ASB3: variants seen among roughly 807,000 people sequenced by gnomAD.
The protein encoded by ASB3 is ankyrin repeat and SOCS box containing 3, also known as ankyrin repeat and SOCS box protein 3.
Under a neutral mutation model 54.5 loss-of-function variants are expected in ASB3, and 41 were observed. That is an observed-to-expected ratio of 0.75 (90% CI 0.59 to 0.98). The LOEUF (loss-of-function observed/expected upper bound fraction) is 0.98. Ranked by LOEUF, ASB3 falls within the 50% of genes least tolerant of loss-of-function variation. The pLI is 0.00. For synonymous variants in ASB3, 266 were observed against 221.2 expected (o/e 1.20, Z -1.80); for missense variants, 733 against 620.0 (o/e 1.18, Z -1.94).
At chr2:53,780,270 C>CAGTG (rs1477821343) in intron 1 of ASB3, among the ~76,000 whole-genome samples, 1 of 152,126 alleles carries the variant, frequency 6.6e-6, no homozygotes, top group East Asian at 1.9e-4. Flanking sequence ...TTCCCACTGA[C>CAGTG]GTACTCCCCT....
chr2:53,718,282 A>G (rs189819001), intron 5 of ASB3, among the ~76,000 whole-genome samples: 16 of 143,118 alleles, frequency 1.1e-4, no homozygotes, highest in African/African-American at 3.6e-4. Flanking sequence ...AGCTAGAGAA[A>G]AACGTCAGAT....
intron 3 of ASB3, among the ~76,000 whole-genome samples, chr2:53,743,589 A>C (rs987333702): frequency 1.3e-5 from 2 of 152,220 alleles, no homozygotes; most frequent in African/African-American, 4.8e-5. Flanking sequence ...GTTATGTAAG[A>C]ACAATATAAG....
chr2:53,747,167 G>A (rs1432075740), intron 3 of ASB3, among the ~76,000 whole-genome samples: 1 of 152,140 alleles, frequency 6.6e-6, no homozygotes, highest in African/African-American at 2.4e-5. Context: ...ATTTGAAACT[G>A]TAAACTATGT....
intron 1 of ASB3, among the ~76,000 whole-genome samples, chr2:53,780,234 G>T (rs901268118): frequency 6.6e-6 from 1 of 151,940 alleles, no homozygotes; most frequent in African/African-American, 2.4e-5. Context: ...GGTCAATCTG[G>T]TATCAGTGTA....
At chr2:53,768,930 G>C (rs1673691959) in intron 1 of ASB3, among the ~76,000 whole-genome samples, 1 of 152,222 alleles carries the variant, frequency 6.6e-6, no homozygotes. Context: ...AGGCGCTAAA[G>C]TAGTTTGCAC....
intron 7 of ASB3, among the ~76,000 whole-genome samples, chr2:53,707,602 G>A (rs371925979): frequency 7.4e-5 from 11 of 149,528 alleles, no homozygotes; most frequent in East Asian, 3.9e-4. Flanking sequence ...AGCTGAGATC[G>A]CACCACTGCA....
At chr2:53,721,777 C>T (rs1047803017) in intron 5 of ASB3, among the ~76,000 whole-genome samples, 2 of 151,678 alleles carry the variant, frequency 1.3e-5, no homozygotes, top group African/African-American at 2.4e-5. Flanking sequence ...TATCACACTT[C>T]GAGGAATAAG....
intron 1 of ASB3, chr2:53,771,793 GCTT>G (rs538117330): frequency 1.8e-4 from 129 of 714,666 alleles, no homozygotes; most frequent in African/African-American, 1.8e-3. Flanking sequence ...AAGAAATAGT[GCTT>G]CTTATGAGCA....
At chr2:53,741,994 T>G (rs898475512) in intron 3 of ASB3, among the ~76,000 whole-genome samples, 15 of 152,068 alleles carry the variant, frequency 9.9e-5, no homozygotes, top group African/African-American at 3.4e-4. Flanking sequence ...CAAAGAACAC[T>G]TCTCAAAGGT....
intron 1 of ASB3, chr2:53,767,866 G>C (rs114675546): frequency 6.3e-7 from 1 of 1,594,982 alleles, no homozygotes. Flanking sequence ...ACGGCCACTG[G>C]GGCAGAGGAG....
At chr2:53,682,123 G>A (rs956497633) in intron 9 of ASB3, among the ~76,000 whole-genome samples, 2 of 147,238 alleles carry the variant, frequency 1.4e-5, no homozygotes, top group Non-Finnish European at 3.0e-5. Context: ...TCATGCCACT[G>A]CACTTCAGCC....
intron 3 of ASB3, 131 bp from the exon 4 acceptor site, chr2:53,729,701 A>G (rs10490467): frequency 0.12 from 84,474 of 701,472 alleles, 6,288 homozygotes; most frequent in Non-Finnish European, 0.14. Context: ...AACAGTTATC[A>G]CAATTGTCTT....
chr2:53,672,247 G>C (rs2103619143), intron 9 of ASB3, among the ~76,000 whole-genome samples: 1 of 152,322 alleles, frequency 6.6e-6, no homozygotes, highest in Non-Finnish European at 1.5e-5. Context: ...TAAATCATGA[G>C]TCATAGATTC....
At chr2:53,671,353 CGTGTGTGTGTGTGTGTGT>C (rs142473697) in intron 9 of ASB3, among the ~76,000 whole-genome samples, 10 of 142,602 alleles carry the variant, frequency 7.0e-5, no homozygotes, top group Admixed American at 4.2e-4. Flanking sequence ...GAACCCAAAG[CGTGTGTGTGTGTGTGTGT>C]GTGTGTGTGT....
chr2:53,739,508 T>C (rs138152162), intron 3 of ASB3, among the ~76,000 whole-genome samples: 1 of 152,322 alleles, frequency 6.6e-6, no homozygotes, highest in African/African-American at 2.4e-5. Context: ...AATGTAATTA[T>C]CTTAGTGAAT....
Position 53,670,659 on chromosome 2 carries a change from A to T in ASB3, c.1401T>A (p.Arg467=). The T allele has an allele frequency of 6.2e-7, 1 of 1,614,026 alleles. No homozygotes were observed. The highest frequency in any genetic ancestry group is 8.5e-7 in the Non-Finnish European group (1 of 1,179,966). The stretch of plus-strand genomic sequence containing the variant: ...ATTTTAGACTGGACCGAATTTCCAA[A>T]CGACAAAGATGGGTCAGGGATGGAA... The part of the protein sequence containing the change: ...ATVPSLTHLC[R]LEIRSSLKSE... The change falls in exon 10 of 10, where the codon CGT becomes CGA. Residue 467 remains arginine, a synonymous_variant. Coordinates refer to ENST00000263634, the MANE Select transcript of ASB3 (RefSeq NM_016115.5).
Position 53,680,460 on chromosome 2 carries a change from T to C in ASB3, c.1370-9770A>G, listed in dbSNP as rs540577319. ...CTGACTGCTATGAGATGGTATCTCA[T>C]TGTGGTTTTGATTTGGATTTCTCTA... On this transcript the variant is annotated intron_variant, in intron 9 of 9. Coordinates refer to ENST00000263634, the MANE Select transcript of ASB3 (RefSeq NM_016115.5). Among the ~76,000 whole-genome samples, 5 of 152,342 alleles carry C rather than the reference T, an allele frequency of 3.3e-5. No homozygotes were observed. The East Asian group carries it at 9.6e-4, about 29-fold the overall frequency.
chr2:53,735,792 T>C (rs75337689), intron 3 of ASB3, among the ~76,000 whole-genome samples: 1,632 of 151,994 alleles, frequency 0.011, 30 homozygotes, highest in African/African-American at 0.037. Context: ...TGGCACAGGA[T>C]AGAGAAAGAG....
At chr2:53,718,192 T>C (rs982263908) in intron 5 of ASB3, among the ~76,000 whole-genome samples, 1 of 152,072 alleles carries the variant, frequency 6.6e-6, no homozygotes, top group African/African-American at 2.4e-5. Flanking sequence ...TACAGAGAAC[T>C]CTCTGTGAAC....
Sources: gnomAD v4.1 joint callset for allele counts (sites outside exome capture counted in the v4.1 genomes callset) on GRCh38, gnomAD v4.1.1 for gene constraint, MANE v1.5 for transcripts, NCBI Gene and HGNC (gene_info 2026-07-23, HGNC 2026-07-21) for gene names.